Variants in SATL1 observed in about 807,000 individuals in gnomAD.
SATL1 encodes the protein spermidine/spermine N(1)-acetyltransferase-like protein 1.
In SATL1, 47 loss-of-function variants were observed where a neutral mutation model predicts 51.8. That is an observed-to-expected ratio of 0.91 (90% CI 0.72 to 1.16). The LOEUF (loss-of-function observed/expected upper bound fraction) is 1.16. Among genes scored for constraint, SATL1 ranks in the 50% most tolerant of loss-of-function variants. The pLI, the probability that SATL1 is intolerant of heterozygous loss-of-function variation, is 0.00. For synonymous variants in SATL1, 176 were observed against 182.4 expected, an observed-to-expected ratio of 0.97 and a Z score of 0.28; for missense variants, 520 against 526.4, an observed-to-expected ratio of 0.99 and a Z score of 0.12.
At chrX:85,154,289 C>T (rs2147724089) in intron 2 of SATL1, among the ~76,000 whole-genome samples, 1 of 110,981 alleles carries the variant, frequency 9.0e-6, no homozygotes, top group African/African-American at 3.3e-5. Flanking sequence ...ACCATTACCT[C>T]CCACTCACTC....
chrX:85,202,900 A>T (rs749615187), intron 2 of SATL1, among the ~76,000 whole-genome samples: 2 of 111,986 alleles, frequency 1.8e-5, no homozygotes, highest in Non-Finnish European at 3.8e-5. Context: ...AGAGGCAGTG[A>T]CCAAGTGGCT....
At chrX:85,166,855 T>C (rs1857830624) in intron 2 of SATL1, among the ~76,000 whole-genome samples, 1 of 105,495 alleles carries the variant, frequency 9.5e-6, no homozygotes, top group Non-Finnish European at 1.9e-5. Context: ...AATCCACAAT[T>C]GCAAAAATAT....
Position 85,109,060 on chromosome X carries a change from C to A in SATL1, c.-92G>T. ...TTGGCTGATGGCTGTCTTGATGGAA[C>A]AGAATCCCTTAACTGTGCTGTGGTG... is the stretch of plus-strand genomic sequence containing the variant. On this transcript the variant is annotated 5_prime_UTR_variant, in exon 3 of 8. Coordinates refer to ENST00000644105, the MANE Select transcript of SATL1 (RefSeq NM_001367857.2). 2 of 857,206 alleles carry A rather than the reference C, an allele frequency of 2.3e-6. No homozygotes were observed. Among genetic ancestry groups the A allele is most frequent in the Non-Finnish European group, 3.3e-6 (2 of 606,559 alleles). The allele number at this position is 857,206 out of a possible 1,213,427, so 70.6% of individuals were successfully genotyped here.
chrX:85,214,719 T>A (rs1928004890), intron 2 of SATL1, among the ~76,000 whole-genome samples: 1 of 111,680 alleles, frequency 9.0e-6, no homozygotes, highest in Non-Finnish European at 1.9e-5. Flanking sequence ...GGTACAGGCA[T>A]TCAGTAAATA....
chrX:85,216,261 C>A (rs1928040648), intron 2 of SATL1, among the ~76,000 whole-genome samples: 1 of 110,908 alleles, frequency 9.0e-6, no homozygotes, highest in Non-Finnish European at 1.9e-5. Context: ...CCCCCATGAC[C>A]CAAACACTTC....
Position 85,093,005 on chromosome X carries a change from A to G in SATL1, c.1917+180T>C, listed in dbSNP as rs558390879. Reference sequence around the variant, plus strand: ...ATATATAAATCAATTTTAATTGACTATAATTCATATACTGTATATGATCAT... The same window carrying G: ...ATATATAAATCAATTTTAATTGACTGTAATTCATATACTGTATATGATCAT... On this transcript the variant is annotated intron_variant, in intron 7 of 7. Transcript: ENST00000644105. 919 of 401,046 alleles carry G rather than the reference A, an allele frequency of 2.3e-3. 1 individual carries two copies. The highest frequency in any genetic ancestry group is 0.017 in the South Asian group (271 of 15,640). The allele number at this position is 401,046 out of a possible 1,213,427, so 33.1% of individuals were successfully genotyped here.
At chrX:85,209,821 T>C (rs1927872933) in intron 2 of SATL1, 1 of 110,514 alleles carries the variant, frequency 9.0e-6, no homozygotes, top group African/African-American at 3.3e-5. Flanking sequence ...GGTTTTTTTG[T>C]GTCTCCATCT....
chrX:85,188,649 A>C (rs754834127), intron 2 of SATL1, among the ~76,000 whole-genome samples: 6 of 108,016 alleles, frequency 5.6e-5, no homozygotes, highest in East Asian at 2.9e-4. Context: ...TCATCTCTCT[A>C]AAAAAAAAAT....
At chrX:85,195,371 A>G (rs762111403) in intron 2 of SATL1, among the ~76,000 whole-genome samples, 9 of 111,505 alleles carry the variant, frequency 8.1e-5, no homozygotes, top group African/African-American at 2.9e-4. Context: ...TGTAGTCCAC[A>G]TTTTTAGAAG....
intron 2 of SATL1, among the ~76,000 whole-genome samples, chrX:85,130,476 T>G (rs1192427942): frequency 8.9e-6 from 1 of 111,879 alleles, no homozygotes; most frequent in Non-Finnish European, 1.9e-5. Context: ...TGTATTTCTG[T>G]GGGATCGGTG....
intron 2 of SATL1, among the ~76,000 whole-genome samples, chrX:85,133,625 AC>A (rs1480245827): frequency 9.0e-6 from 1 of 111,540 alleles, no homozygotes; most frequent in African/African-American, 3.3e-5. Context: ...GCAATGCCCC[AC>A]CCTGCTTCAT....
chrX:85,187,000 C>T (rs1289880646), intron 2 of SATL1, among the ~76,000 whole-genome samples: 1 of 111,691 alleles, frequency 9.0e-6, no homozygotes, highest in South Asian at 3.7e-4. Context: ...TTTTCTCATC[C>T]ATGGGCATGG....
At position 85,108,192 on chromosome X, in the gene SATL1, T is replaced by A; in HGVS notation, c.777A>T (p.Thr259=). ...NQSSLSDSNQ[T]GIIQPSPSLL... is the part of the protein sequence containing the mutation. ...AGCTTGGGCTTGGCTGGATTATACCTGTTTGGTTGGAATCTGATAAACTTG... is the reference window on the plus strand; with the variant it reads ...AGCTTGGGCTTGGCTGGATTATACCAGTTTGGTTGGAATCTGATAAACTTG... The change falls in exon 3 of 8, where the codon ACA becomes ACT. Residue 259 remains threonine (T), a synonymous_variant. Transcript: ENST00000644105. The A allele has an allele frequency of 8.3e-7, 1 of 1,212,030 alleles. No homozygotes were observed. The highest frequency in any genetic ancestry group is 3.0e-5 in the East Asian group (1 of 33,821).
intron 2 of SATL1, among the ~76,000 whole-genome samples, chrX:85,150,620 A>G (rs1032035775): frequency 8.9e-6 from 1 of 111,793 alleles, no homozygotes; most frequent in Non-Finnish European, 1.9e-5. Flanking sequence ...ATCCACCATG[A>G]TCAAGTGGGC....
At chrX:85,236,390 G>T (rs897198086) in intron 1 of SATL1, among the ~76,000 whole-genome samples, 3 of 110,445 alleles carry the variant, frequency 2.7e-5, no homozygotes, top group Non-Finnish European at 5.7e-5. Flanking sequence ...AAAAAGTAAG[G>T]GTACAAGTTA....
intron 2 of SATL1, among the ~76,000 whole-genome samples, chrX:85,163,647 T>C (rs181819376): frequency 2.6e-3 from 288 of 111,796 alleles, no homozygotes; most frequent in African/African-American, 8.4e-3. Context: ...TTTTAGATTG[T>C]ATTAAATTTA....
intron 4 of SATL1, among the ~76,000 whole-genome samples, chrX:85,100,526 T>C (rs964905289): frequency 8.9e-6 from 1 of 111,797 alleles, no homozygotes; most frequent in Admixed American, 9.5e-5. Context: ...CTATAAAACA[T>C]TGCTCAAAGA....
intron 2 of SATL1, among the ~76,000 whole-genome samples, chrX:85,171,767 G>C (rs759813505): frequency 8.9e-6 from 1 of 111,744 alleles, no homozygotes; most frequent in East Asian, 2.8e-4. Flanking sequence ...ACAAAATGAA[G>C]AGTAAAGCCC....
chrX:85,201,582 C>T (rs1021131459), intron 2 of SATL1, among the ~76,000 whole-genome samples: 16 of 111,153 alleles, frequency 1.4e-4, no homozygotes, highest in Admixed American at 1.4e-3. Context: ...ACTCAGTACC[C>T]AAGAGTTATT....
Sources: allele counts gnomAD v4.1 joint callset (sites outside exome capture counted in the v4.1 genomes callset), GRCh38; gene constraint gnomAD v4.1.1; transcripts MANE v1.5; gene names NCBI Gene and HGNC (gene_info 2026-07-23, HGNC 2026-07-21).